Variants in CANX observed in about 807,000 individuals in gnomAD.
The protein encoded by CANX is epididymis secretory sperm binding protein.
A neutral mutation model predicts 75.7 loss-of-function variants in CANX; 14 were observed. The observed-to-expected ratio is 0.19, with a 90% CI of 0.12 to 0.29. The LOEUF is 0.29. Among genes scored for constraint, CANX ranks in the 10% least tolerant of loss-of-function variants. The probability of loss-of-function intolerance (pLI) is 1.00; values close to 1 mark genes in which losing one functional copy is unlikely to be tolerated. For synonymous variants in CANX, 227 were observed against 236.9 expected (o/e 0.96, Z 0.38); for missense variants, 567 against 713.2 (o/e 0.79, Z 2.34).
chr5:179,722,078 C>T (rs1311472710), intron 10 of CANX, among the ~76,000 whole-genome samples: 2 of 152,108 alleles, frequency 1.3e-5, no homozygotes, highest in African/African-American at 4.8e-5. Context: ...CGCCTATAAT[C>T]CCAGCACTTG....
At chr5:179,690,330 C>G (rs929535535) in intron 1 of CANX, among the ~76,000 whole-genome samples, 1 of 152,056 alleles carries the variant, frequency 6.6e-6, no homozygotes, top group African/African-American at 2.4e-5. Context: ...AATCCCAGCA[C>G]TTTGGGAGGC....
chr5:179,687,127 G>A (rs972111966), intron 1 of CANX, among the ~76,000 whole-genome samples: 7 of 150,572 alleles, frequency 4.6e-5, no homozygotes, highest in Non-Finnish European at 7.4e-5. Flanking sequence ...CACCATGCCC[G>A]GCTACCGCTC....
chr5:179,689,127 G>A (rs909701372), intron 1 of CANX, among the ~76,000 whole-genome samples: 6 of 152,102 alleles, frequency 3.9e-5, no homozygotes, highest in East Asian at 1.9e-4. Context: ...GGTGGTGTGC[G>A]CCTATAATCC....
chr5:179,720,738 C>G (rs962916453), intron 10 of CANX, among the ~76,000 whole-genome samples, 178 bp downstream of exon 10: 3 of 152,096 alleles, frequency 2.0e-5, no homozygotes, highest in Non-Finnish European at 4.4e-5. Flanking sequence ...AAAGATAAAC[C>G]TAGAAACTGG....
chr5:179,714,510 T>A (rs142167610), intron 7 of CANX, among the ~76,000 whole-genome samples: 2,427 of 152,130 alleles, frequency 0.016, 42 homozygotes, highest in African/African-American at 0.047. Flanking sequence ...TTTTTTATTT[T>A]TTTATTTATT....
chr5:179,681,229 A>G (rs1011293815), intron 1 of CANX, among the ~76,000 whole-genome samples: 2 of 152,198 alleles, frequency 1.3e-5, no homozygotes, highest in Admixed American at 1.3e-4. Context: ...AGTGAAGAAC[A>G]TATTCCCTCA....
chr5:179,724,582 C>A, intron 12 of CANX, 75 bp from the exon 13 acceptor site: 1 of 1,267,622 alleles, frequency 7.9e-7, no homozygotes, highest in Non-Finnish European at 1.1e-6. Flanking sequence ...CAGAACTTTG[C>A]CTGTAGGCAT....
intron 13 of CANX, among the ~76,000 whole-genome samples, chr5:179,725,986 C>CAAAA (rs796996311): frequency 1.6e-5 from 1 of 63,018 alleles, no homozygotes. Context: ...GACTGAGTCT[C>CAAAA]AAAAAAAAAA....
chr5:179,709,056 C>G lies in CANX; in HGVS notation c.525C>G (p.Asn175Lys). 2 of 1,552,356 alleles carry G rather than the reference C, an allele frequency of 1.3e-6. No individual in the cohort carries two copies. Among genetic ancestry groups the G allele is most frequent in the Non-Finnish European group, 1.8e-6 (2 of 1,123,634 alleles). Reference sequence around the variant, plus strand: ...TGCTTTCTAAAACACCAGAACTCAACCTGGTATGTAATTCCCATTTCTGGA... The same window carrying G: ...TGCTTTCTAAAACACCAGAACTCAAGCTGGTATGTAATTCCCATTTCTGGA... ...VKLLSKTPEL[N>K]LDQFHDKTPY... Residue 175 changes from asparagine to lysine, a missense_variant, in exon 6 of 15, where the codon AAC becomes AAG. Coordinates refer to ENST00000247461, the MANE Select transcript of CANX (RefSeq NM_001746.4).
chr5:179,716,345 C>A, intron 8 of CANX, 51 bp downstream of exon 8: 1 of 1,383,926 alleles, frequency 7.2e-7, no homozygotes, highest in South Asian at 1.3e-5. Context: ...TCATATATTC[C>A]ATGTGGCTTG....
chr5:179,679,293 C>A, intron 1 of CANX: 2 of 1,496,686 alleles, frequency 1.3e-6, no homozygotes, highest in Non-Finnish European at 1.8e-6. Context: ...GGGTGAGCAG[C>A]GTGCTTGGTA....
chr5:179,714,604 G>A (rs1482009524), intron 7 of CANX, among the ~76,000 whole-genome samples: 3 of 151,178 alleles, frequency 2.0e-5, no homozygotes, highest in Non-Finnish European at 2.9e-5. Context: ...TGCAAACTCC[G>A]CCTCCCGGGT....
upstream of CANX, among the ~76,000 whole-genome samples, chr5:179,697,991 C>A (rs1776462971): frequency 6.6e-6 from 1 of 152,132 alleles, no homozygotes; most frequent in Admixed American, 6.6e-5. Flanking sequence ...GGCAAGAGGG[C>A]TTTTCAGATC....
chr5:179,684,489 G>C (rs913360522), intron 1 of CANX, among the ~76,000 whole-genome samples: 1 of 147,076 alleles, frequency 6.8e-6, no homozygotes, highest in South Asian at 2.2e-4. Context: ...ACAGGTGCCC[G>C]CCACCACGCC....
chr5:179,727,168 T>G (rs895022169), intron 14 of CANX, among the ~76,000 whole-genome samples: 1 of 152,230 alleles, frequency 6.6e-6, no homozygotes, highest in African/African-American at 2.4e-5. Context: ...TAACTGACAT[T>G]TGTTGAGTGC....
intron 1 of CANX, chr5:179,678,964 C>T (rs748712355): frequency 1.3e-6 from 2 of 1,535,832 alleles, no homozygotes; most frequent in South Asian, 1.2e-5. Flanking sequence ...AGGCGAGGCC[C>T]AGCTCGGCCT....
At chr5:179,705,999 C>G in intron 2 of CANX, 147 bp downstream of exon 2, 1 of 651,946 alleles carries the variant, frequency 1.5e-6, no homozygotes, top group Non-Finnish European at 2.7e-6. Flanking sequence ...AGGGAGATAT[C>G]ATCTCTAATA....
At chr5:179,701,512 G>A (rs1385446463) in intron 1 of CANX, among the ~76,000 whole-genome samples, 1 of 151,746 alleles carries the variant, frequency 6.6e-6, no homozygotes, top group Non-Finnish European at 1.5e-5. Context: ...GGAGGTTGCA[G>A]TGAGCGGAGA....
upstream of CANX, chr5:179,698,399 G>A (rs1013100746): frequency 7.3e-6 from 9 of 1,231,702 alleles, no homozygotes; most frequent in South Asian, 4.0e-5. Flanking sequence ...TGCGGCGCCG[G>A]CTCACACAGC....
Sources: gnomAD v4.1 joint callset for allele counts (sites outside exome capture counted in the v4.1 genomes callset) on GRCh38, gnomAD v4.1.1 for gene constraint, MANE v1.5 for transcripts, NCBI Gene and HGNC (gene_info 2026-07-23, HGNC 2026-07-21) for gene names.